Variants in ADAMTSL1 observed in about 807,000 individuals in gnomAD.
The protein encoded by ADAMTSL1 is ADAMTS like 1.
A neutral mutation model predicts 201.8 loss-of-function variants in ADAMTSL1; 126 were observed. That is an observed-to-expected ratio of 0.62 (90% CI 0.54 to 0.72). ADAMTSL1 has a LOEUF of 0.72. Ranked by LOEUF, ADAMTSL1 falls within the 30% of genes least tolerant of loss-of-function variation. ADAMTSL1 has a pLI of 0.00. For missense variants in ADAMTSL1, 2,679 were observed against 2,277.8 expected (o/e 1.18, Z -3.59); for synonymous variants, 1,121 against 903.4 (o/e 1.24, Z -4.32).
At chr9:18,267,678 A>G (rs1211740726) in intron 2 of ADAMTSL1, among the ~76,000 whole-genome samples, 1 of 151,520 alleles carries the variant, frequency 6.6e-6, no homozygotes. Context: ...CTCACCTTTA[A>G]TAAGTATTTT....
intron 23 of ADAMTSL1, among the ~76,000 whole-genome samples, chr9:18,837,665 G>GT (rs1476702840): frequency 6.6e-6 from 1 of 152,178 alleles, no homozygotes; most frequent in African/African-American, 2.4e-5. Flanking sequence ...AAAACCACGT[G>GT]TTTTTATAAG....
At chr9:17,975,490 C>G (rs188246205) in intron 1 of ADAMTSL1, among the ~76,000 whole-genome samples, 2 of 152,110 alleles carry the variant, frequency 1.3e-5, no homozygotes, top group East Asian at 3.9e-4. Flanking sequence ...AGCACTAATA[C>G]CATTCGTGAG....
Position 18,905,844 on chromosome 9 carries a change from AC to A in ADAMTSL1, c.4915del (p.Arg1639GlyfsTer18). ...AACACAGACAAGTCTTCTGCCAGAC[AC>A]GGGATGGCATCACCTTACCATCAGA... is the stretch of plus-strand genomic sequence containing the variant. ...VQHRQVFCQT[R>X]DGITLPSEQC... On this transcript the variant is annotated frameshift_variant, in exon 27 of 29. Coordinates refer to ENST00000380548, the MANE Select transcript of ADAMTSL1 (RefSeq NM_001040272.6). LOFTEE classifies it high-confidence loss of function. The A allele has an allele frequency of 6.2e-7, 1 of 1,613,562 alleles. No homozygotes were observed. Among genetic ancestry groups the A allele is most frequent in the Non-Finnish European group, 8.5e-7 (1 of 1,179,772 alleles).
chr9:18,368,187 T>C (rs1030533578), intron 2 of ADAMTSL1, among the ~76,000 whole-genome samples: 2 of 152,182 alleles, frequency 1.3e-5, no homozygotes, highest in African/African-American at 4.8e-5. Context: ...AGTGCTGCGA[T>C]TACAGGCGTG....
intron 2 of ADAMTSL1, among the ~76,000 whole-genome samples, chr9:18,315,959 C>T (rs1297172476): frequency 1.3e-5 from 2 of 152,182 alleles, no homozygotes; most frequent in African/African-American, 2.4e-5. Context: ...TTCTATTTTC[C>T]CTAAGCATCA....
chr9:18,879,646 T>C (rs1828401945), intron 23 of ADAMTSL1, among the ~76,000 whole-genome samples: 1 of 152,260 alleles, frequency 6.6e-6, no homozygotes, highest in African/African-American at 2.4e-5. Context: ...AAAAATACTT[T>C]ATTGCTAAAA....
chr9:18,317,922 A>G (rs1055671984), intron 2 of ADAMTSL1, among the ~76,000 whole-genome samples: 1 of 152,220 alleles, frequency 6.6e-6, no homozygotes, highest in Non-Finnish European at 1.5e-5. Context: ...AAGTAAGCAG[A>G]ACTGTTTTGT....
intron 14 of ADAMTSL1, among the ~76,000 whole-genome samples, chr9:18,708,027 G>A (rs1400314972): frequency 2.6e-5 from 4 of 152,322 alleles, no homozygotes; most frequent in South Asian, 4.1e-4. Flanking sequence ...CTGATTTCTT[G>A]CCAGATCTTT....
intron 23 of ADAMTSL1, among the ~76,000 whole-genome samples, chr9:18,830,668 C>G (rs1824918846): frequency 6.6e-6 from 1 of 152,052 alleles, no homozygotes. Flanking sequence ...AACCTTCACA[C>G]ATGACCTCTG....
intron 2 of ADAMTSL1, among the ~76,000 whole-genome samples, chr9:18,192,950 A>C (rs72701542): frequency 6.6e-6 from 1 of 152,134 alleles, no homozygotes; most frequent in Non-Finnish European, 1.5e-5. Flanking sequence ...TTAACTTTAT[A>C]TATAATATAC....
At chr9:18,280,998 C>T (rs1334756952) in intron 2 of ADAMTSL1, among the ~76,000 whole-genome samples, 2 of 151,598 alleles carry the variant, frequency 1.3e-5, no homozygotes, top group Non-Finnish European at 2.9e-5. Context: ...GCCTCAGCCT[C>T]CTGAGTAGCT....
intron 2 of ADAMTSL1, among the ~76,000 whole-genome samples, chr9:18,421,962 A>G (rs573909872): frequency 6.6e-6 from 1 of 152,340 alleles, no homozygotes; most frequent in East Asian, 1.9e-4. Context: ...TAATCCTAGC[A>G]AAGTAATTTT....
At chr9:18,636,358 T>C (rs1332612685) in intron 6 of ADAMTSL1, among the ~76,000 whole-genome samples, 1 of 152,178 alleles carries the variant, frequency 6.6e-6, no homozygotes. Context: ...CCTCTCCTTT[T>C]TTCTTCTTTC....
intron 13 of ADAMTSL1, among the ~76,000 whole-genome samples, chr9:18,690,213 TC>T (rs758686754): frequency 0.056 from 8,510 of 152,254 alleles, 370 homozygotes; most frequent in African/African-American, 0.12. Context: ...GCCTTGTTTA[TC>T]TTGTTGAAAA....
intron 12 of ADAMTSL1, 75 bp downstream of exon 12, chr9:18,682,034 T>A: frequency 1.4e-6 from 2 of 1,451,044 alleles, no homozygotes; most frequent in Non-Finnish European, 1.9e-6. Flanking sequence ...CTCCTTGGAA[T>A]ATTTTTAAGT....
At chr9:18,214,419 TTTG>T in intron 2 of ADAMTSL1, among the ~76,000 whole-genome samples, 1 of 152,212 alleles carries the variant, frequency 6.6e-6, no homozygotes, top group Admixed American at 6.5e-5. Context: ...GATGATGTAC[TTTG>T]TTTTCTGAAT....
intron 2 of ADAMTSL1, among the ~76,000 whole-genome samples, chr9:18,331,518 C>T (rs993308619): frequency 1.3e-5 from 2 of 152,122 alleles, no homozygotes; most frequent in African/African-American, 2.4e-5. Flanking sequence ...TGTTATAATA[C>T]AGTGCACATG....
intron 20 of ADAMTSL1, among the ~76,000 whole-genome samples, chr9:18,808,545 T>G (rs1464827461): frequency 6.6e-6 from 1 of 152,238 alleles, no homozygotes; most frequent in Non-Finnish European, 1.5e-5. Context: ...CATTTGAATT[T>G]TATAGCTATA....
intron 2 of ADAMTSL1, among the ~76,000 whole-genome samples, chr9:18,464,054 G>A (rs1251624426): frequency 1.3e-5 from 2 of 152,242 alleles, no homozygotes; most frequent in South Asian, 2.1e-4. Context: ...GCTGTCTCAT[G>A]TGTGAGTAGT....
Sources: gnomAD v4.1 joint callset for allele counts (sites outside exome capture counted in the v4.1 genomes callset) on GRCh38, gnomAD v4.1.1 for gene constraint, MANE v1.5 for transcripts, NCBI Gene and HGNC (gene_info 2026-07-23, HGNC 2026-07-21) for gene names.